The following COL28A1 variants were observed in gnomAD, a reference collection of about 807,000 sequenced individuals.
The protein encoded by COL28A1 is collagen type XXVIII alpha 1 chain.
Under a neutral mutation model 150.2 loss-of-function variants are expected in COL28A1, and 161 were observed. The ratio of observed to expected loss-of-function variants is 1.07; its 90% CI spans 0.94 to 1.22. The LOEUF (loss-of-function observed/expected upper bound fraction) is 1.22. COL28A1 is among the 50% of genes most tolerant of loss of function. The pLI is 0.00. For synonymous variants in COL28A1, 552 were observed against 469.7 expected (o/e 1.18, Z -2.26); for missense variants, 1,617 against 1,388.3 (o/e 1.16, Z -2.62).
chr7:7,450,244 T>G (rs920412635), intron 18 of COL28A1, among the ~76,000 whole-genome samples: 1 of 152,084 alleles, frequency 6.6e-6, no homozygotes, highest in Non-Finnish European at 1.5e-5. Flanking sequence ...ATCCCTACAT[T>G]GACCCATACA....
intron 15 of COL28A1, among the ~76,000 whole-genome samples, chr7:7,458,667 A>C (rs531087245): frequency 1.3e-5 from 2 of 152,282 alleles, no homozygotes; most frequent in African/African-American, 4.8e-5. Flanking sequence ...CTTATGCATC[A>C]GATATTGTGC....
chr7:7,500,543 G>A (rs1479224030), intron 11 of COL28A1, among the ~76,000 whole-genome samples: 2 of 152,158 alleles, frequency 1.3e-5, no homozygotes, highest in Non-Finnish European at 2.9e-5. Context: ...ATAATACATG[G>A]AAGCTCAAAG....
At chr7:7,377,819 A>AAG in intron 30 of COL28A1, among the ~76,000 whole-genome samples, 1 of 148,516 alleles carries the variant, frequency 6.7e-6, no homozygotes, top group African/African-American at 2.6e-5. Flanking sequence ...AAAAAAAAAA[A>AAG]AAAACCAGAC....
chr7:7,464,013 C>T (rs1787850959), intron 15 of COL28A1, among the ~76,000 whole-genome samples: 1 of 152,122 alleles, frequency 6.6e-6, no homozygotes, highest in Non-Finnish European at 1.5e-5. Context: ...GGTAGCCATT[C>T]TTATATCAGA....
chr7:7,381,651 C>T (rs752430303), intron 27 of COL28A1, 39 bp from the exon 28 acceptor site: 11 of 1,506,240 alleles, frequency 7.3e-6, no homozygotes, highest in Non-Finnish European at 1.0e-5. Context: ...TATTAATTTC[C>T]CAGGATAGCT....
At chr7:7,442,916 T>C (rs1043869057) in intron 20 of COL28A1, among the ~76,000 whole-genome samples, 9 of 151,764 alleles carry the variant, frequency 5.9e-5, no homozygotes, top group African/African-American at 2.2e-4. Flanking sequence ...ACACCTGTAG[T>C]CCCAGCTGCT....
intron 14 of COL28A1, 102 bp downstream of exon 14, chr7:7,477,010 A>G: frequency 1.4e-6 from 1 of 720,626 alleles, no homozygotes; most frequent in South Asian, 1.7e-5. Context: ...TGGTCAGAAA[A>G]ATAATTAACT....
rs1184875845 is a variant in COL28A1 at position 7,430,498 on chromosome 7, C to T, written c.1998+1975G>A. The stretch of plus-strand genomic sequence containing the variant: ...ATTATTGCTCAATGTAAAGCAGTAA[C>T]ATAATCGTATAATTTAATATAACAT... On this transcript the variant is annotated intron_variant, in intron 25 of 34. Transcript: ENST00000399429. 2.6e-5 allele frequency among the ~76,000 whole-genome samples: 4 copies of T among 152,228 alleles called. No homozygotes were observed. The East Asian group carries it at 5.8e-4, about 22-fold the overall frequency.
At chr7:7,510,467 T>C (rs1253653621) in intron 9 of COL28A1, among the ~76,000 whole-genome samples, 1 of 152,186 alleles carries the variant, frequency 6.6e-6, no homozygotes, top group African/African-American at 2.4e-5. Context: ...GTATTTTTAG[T>C]AGAGATGGTG....
intron 15 of COL28A1, among the ~76,000 whole-genome samples, chr7:7,464,800 TAAGC>T (rs1787929547): frequency 6.6e-6 from 1 of 151,840 alleles, no homozygotes; most frequent in Admixed American, 6.6e-5. Context: ...AGAAAGGAAA[TAAGC>T]AAGATCAGAG....
At chr7:7,542,047 CA>C in the COL28A1 span, among the ~76,000 whole-genome samples, 1 of 152,242 alleles carries the variant, frequency 6.6e-6, no homozygotes, top group East Asian at 1.9e-4. Flanking sequence ...CTTTGAAATG[CA>C]TCATAAAGAA....
intron 15 of COL28A1, among the ~76,000 whole-genome samples, chr7:7,456,655 A>T (rs182360036): frequency 2.6e-5 from 4 of 152,320 alleles, no homozygotes; most frequent in Admixed American, 2.0e-4. Context: ...CAGCAAGAAG[A>T]ACATAATTCA....
At position 7,477,136 on chromosome 7, in the gene COL28A1, G is replaced by T; in HGVS notation, c.1209C>A (p.Pro403=). ...CCTTTGGTCCTGGAAATCCTTCTCCGGGTAAGCCCCTCTCTCCTGGTACTC... is the reference window on the plus strand; with the variant it reads ...CCTTTGGTCCTGGAAATCCTTCTCCTGGTAAGCCCCTCTCTCCTGGTACTC... ...PEGVPGERGL[P]GEGFPGPKGE... The change falls in exon 14 of 35, where the codon CCC becomes CCA. Residue 403 remains proline (P), a synonymous_variant. Transcript: ENST00000399429. The T allele has an allele frequency of 7.4e-7, 1 of 1,347,084 alleles. No homozygotes were observed. The highest frequency in any genetic ancestry group is 1.1e-6 in the Non-Finnish European group (1 of 935,976). The allele number at this position is 1,347,084 out of a possible 1,614,324, so 83.4% of individuals were successfully genotyped here.
In COL28A1 at chr7:7,360,371, G is replaced by A. The variant is rs746214736; in HGVS notation, c.3205+19C>T. The A allele has an allele frequency of 3.1e-5, 47 of 1,529,496 alleles. No individual in the cohort carries two copies. In the Admixed American group the frequency reaches 1.1e-3, roughly 37 times the overall value. 94.7% of individuals were successfully genotyped at this position (1,529,496 alleles called of 1,614,324 possible). On this transcript the variant is annotated intron_variant, in intron 34 of 34. Coordinates refer to ENST00000399429, the MANE Select transcript of COL28A1 (RefSeq NM_001037763.3). ...AGACTGTAGAATCAAAATGGGACTT[G>A]GAGTTCTGGTTTACCTACCCTCTGC...
intron 32 of COL28A1, among the ~76,000 whole-genome samples, chr7:7,371,542 CCA>C (rs1169538651): frequency 1.3e-5 from 2 of 152,212 alleles, no homozygotes; most frequent in African/African-American, 2.4e-5. Flanking sequence ...CTGTGCCCAG[CCA>C]CATCAGACTC....
chr7:7,488,823 A>G (rs10250860), intron 13 of COL28A1, among the ~76,000 whole-genome samples: 22,847 of 152,196 alleles, frequency 0.15, 1,836 homozygotes, highest in Middle Eastern at 0.22. Context: ...AGAAAATTTT[A>G]ACACATGAGA....
chr7:7,361,772 T>TG (rs35166150), intron 33 of COL28A1, among the ~76,000 whole-genome samples: 118,072 of 151,382 alleles, frequency 0.78, 46,228 homozygotes, highest in East Asian at 0.87. Context: ...AGCAAAGACT[T>TG]GAACCAACCC....
chr7:7,488,753 C>T (rs993597231), intron 13 of COL28A1, among the ~76,000 whole-genome samples: 4 of 152,140 alleles, frequency 2.6e-5, no homozygotes, highest in East Asian at 3.9e-4. Context: ...TGATTTTTCT[C>T]ATGGTTACAA....
intron 15 of COL28A1, 66 bp downstream of exon 15, chr7:7,474,535 A>G (rs993332575): frequency 2.5e-6 from 2 of 813,810 alleles, no homozygotes; most frequent in Non-Finnish European, 4.3e-6. Context: ...TCAGAAATGT[A>G]CATACATAAA....
Sources: gnomAD v4.1 joint callset for allele counts (sites outside exome capture counted in the v4.1 genomes callset) on GRCh38, gnomAD v4.1.1 for gene constraint, MANE v1.5 for transcripts, NCBI Gene and HGNC (gene_info 2026-07-23, HGNC 2026-07-21) for gene names.